MCPH1: variants seen among roughly 807,000 people sequenced by gnomAD.
The protein encoded by MCPH1 is microcephalin.
MCPH1 carries 104 observed loss-of-function variants against 84.5 expected under a neutral mutation model. The ratio of observed to expected loss-of-function variants is 1.23; its 90% CI spans 1.05 to 1.45. The LOEUF is 1.45. Ranked by LOEUF, MCPH1 falls within the 40% of genes most tolerant of loss-of-function variation. MCPH1 has a pLI of 0.00. For synonymous variants in MCPH1, 514 were observed against 366.8 expected (o/e 1.40, Z -4.58); for missense variants, 1,498 against 1,005.7 (o/e 1.49, Z -6.62).
intron 9 of MCPH1, among the ~76,000 whole-genome samples, chr8:6,468,377 C>G (rs1418766549): frequency 6.6e-6 from 1 of 152,174 alleles, no homozygotes; most frequent in South Asian, 2.1e-4. Flanking sequence ...CTCCCACACA[C>G]CCAGACCGCA....
intron 12 of MCPH1, among the ~76,000 whole-genome samples, chr8:6,603,957 C>T (rs578019764): frequency 1.3e-5 from 2 of 151,254 alleles, no homozygotes; most frequent in Non-Finnish European, 2.9e-5. Context: ...GTTATTTTTA[C>T]AAGATTAAAA....
At chr8:6,407,577 G>A (rs932532567) in intron 1 of MCPH1, among the ~76,000 whole-genome samples, 4 of 152,302 alleles carry the variant, frequency 2.6e-5, no homozygotes, top group South Asian at 2.1e-4. Context: ...GTATTGTGGG[G>A]CCTGGAGTCA....
At chr8:6,560,683 T>C (rs1825394522) in intron 12 of MCPH1, among the ~76,000 whole-genome samples, 1 of 152,230 alleles carries the variant, frequency 6.6e-6, no homozygotes, top group Non-Finnish European at 1.5e-5. Context: ...GCTACTGCTG[T>C]TCAAATATTG....
At chr8:6,476,886 T>G (rs925281430) in intron 9 of MCPH1, among the ~76,000 whole-genome samples, 1 of 152,226 alleles carries the variant, frequency 6.6e-6, no homozygotes, top group African/African-American at 2.4e-5. Context: ...CACACACTCC[T>G]ATAGAGTGAA....
chr8:6,471,415 A>G (rs2916727), intron 9 of MCPH1, among the ~76,000 whole-genome samples: 3,422 of 152,314 alleles, frequency 0.022, 64 homozygotes, highest in Non-Finnish European at 0.035. Context: ...ACTCAATTAC[A>G]GTTTCACAAT....
intron 3 of MCPH1, among the ~76,000 whole-genome samples, chr8:6,418,566 C>G (rs1799648237): frequency 6.6e-6 from 1 of 152,036 alleles, no homozygotes; most frequent in Admixed American, 6.6e-5. Context: ...TTTGGAGACT[C>G]CTTAGGGATA....
intron 12 of MCPH1, among the ~76,000 whole-genome samples, chr8:6,525,046 C>T (rs148622710): frequency 2.6e-5 from 4 of 152,320 alleles, no homozygotes; most frequent in South Asian, 2.1e-4. Flanking sequence ...CATGGCCTCT[C>T]GGGCCCCTTT....
chr8:6,410,605 G>A (rs768832601), intron 2 of MCPH1, among the ~76,000 whole-genome samples: 3 of 152,106 alleles, frequency 2.0e-5, no homozygotes, highest in Non-Finnish European at 4.4e-5. Context: ...GGTATCTTTT[G>A]CCCACGCACA....
intron 6 of MCPH1, among the ~76,000 whole-genome samples, chr8:6,440,227 G>C (rs1803302778): frequency 6.6e-6 from 1 of 151,884 alleles, no homozygotes; most frequent in Non-Finnish European, 1.5e-5. Context: ...TTAACCATAT[G>C]GTTTGGTTGT....
At chr8:6,543,290 G>C (rs1821935703) in intron 12 of MCPH1, among the ~76,000 whole-genome samples, 1 of 152,180 alleles carries the variant, frequency 6.6e-6, no homozygotes, top group Non-Finnish European at 1.5e-5. Context: ...ATGCACTACT[G>C]ACCCGCCGTC....
At chr8:6,601,340 C>T (rs965343717) in intron 12 of MCPH1, among the ~76,000 whole-genome samples, 2 of 152,146 alleles carry the variant, frequency 1.3e-5, no homozygotes. Context: ...TTGAGCAAAG[C>T]CTTCAAGACC....
In MCPH1 at chr8:6,567,024, G is replaced by A. The variant is rs1327611068; in HGVS notation, c.2215-54430G>A. Among the ~76,000 whole-genome samples, 15 of 146,832 alleles carry A rather than the reference G, an allele frequency of 1.0e-4. 1 individual carries two copies. Among genetic ancestry groups the A allele is most frequent in the Non-Finnish European group, 1.5e-4 (10 of 66,720 alleles). On this transcript the variant is annotated intron_variant, in intron 12 of 13. Transcript: ENST00000344683. ...CGGCAAGGCCATAGATAGTGCACGC[G>A]GTGCGGTGACCATGTGTGATCGGCA...
chr8:6,503,939 C>T (rs1230172014), intron 12 of MCPH1, among the ~76,000 whole-genome samples: 1 of 152,176 alleles, frequency 6.6e-6, no homozygotes, highest in Non-Finnish European at 1.5e-5. Flanking sequence ...AGTAGTCCCC[C>T]CTTATCTGCT....
At chr8:6,482,701 T>C (rs1019393528) in intron 11 of MCPH1, among the ~76,000 whole-genome samples, 2 of 152,226 alleles carry the variant, frequency 1.3e-5, no homozygotes, top group Non-Finnish European at 2.9e-5. Context: ...TGTCTGCATG[T>C]CTCTGCTCAG....
chr8:6,533,956 T>C (rs1003671045), intron 12 of MCPH1, among the ~76,000 whole-genome samples: 3 of 152,162 alleles, frequency 2.0e-5, no homozygotes, highest in African/African-American at 7.2e-5. Flanking sequence ...TGGTATCAGA[T>C]GGTTTTAGGA....
At chr8:6,453,762 G>T (rs577015875) in intron 8 of MCPH1, among the ~76,000 whole-genome samples, 1 of 152,172 alleles carries the variant, frequency 6.6e-6, no homozygotes, top group East Asian at 1.9e-4. Flanking sequence ...CTACCCCGGG[G>T]GATAAAGTGG....
At chr8:6,532,977 G>A (rs1819811042) in intron 12 of MCPH1, among the ~76,000 whole-genome samples, 1 of 152,244 alleles carries the variant, frequency 6.6e-6, no homozygotes, top group African/African-American at 2.4e-5. Flanking sequence ...CATATAAGGA[G>A]AGGAGCACCC....
At chr8:6,625,820 T>C in intron 13 of MCPH1, 1 of 985,272 alleles carries the variant, frequency 1.0e-6, no homozygotes, top group Non-Finnish European at 1.2e-6. Context: ...TTCAGTGCCT[T>C]TATATTGTTT....
chr8:6,427,250 G>C (rs1801191568), intron 3 of MCPH1, among the ~76,000 whole-genome samples: 1 of 152,228 alleles, frequency 6.6e-6, no homozygotes, highest in Non-Finnish European at 1.5e-5. Context: ...GAGTCGTTGA[G>C]TGAGTGGTGA....
Sources: allele counts gnomAD v4.1 joint callset (sites outside exome capture counted in the v4.1 genomes callset), GRCh38; gene constraint gnomAD v4.1.1; transcripts MANE v1.5; gene names NCBI Gene and HGNC (gene_info 2026-07-23, HGNC 2026-07-21).